Variants in DCUN1D3 observed in about 807,000 individuals in gnomAD.
The protein encoded by DCUN1D3 is defective in cullin neddylation 1 domain containing 3.
A neutral mutation model predicts 24.8 loss-of-function variants in DCUN1D3; 6 were observed. The ratio of observed to expected loss-of-function variants is 0.24; its 90% CI spans 0.13 to 0.48. The LOEUF (loss-of-function observed/expected upper bound fraction) is 0.48, where lower values mean the gene tolerates loss of function less well. Ranked by LOEUF, DCUN1D3 falls within the 20% of genes least tolerant of loss-of-function variation. The pLI is 0.99. For synonymous variants in DCUN1D3, 120 were observed against 144.9 expected (o/e 0.83, Z 1.24); for missense variants, 258 against 379.4 (o/e 0.68, Z 2.66).
chr16:20,871,472 T>TTAGC (rs2081787916), intron 1 of DCUN1D3, among the ~76,000 whole-genome samples: 3 of 152,208 alleles, frequency 2.0e-5, no homozygotes, highest in Admixed American at 2.0e-4. Flanking sequence ...ACCAGCCAGT[T>TTAGC]TAGCATAAAG....
intron 1 of DCUN1D3, among the ~76,000 whole-genome samples, chr16:20,891,027 T>C (rs920200645): frequency 1.3e-5 from 2 of 151,660 alleles, no homozygotes; most frequent in Admixed American, 6.6e-5. Context: ...GGAGTCTCAC[T>C]CTATCGCCCA....
At chr16:20,874,296 A>G (rs1448786113) in intron 1 of DCUN1D3, among the ~76,000 whole-genome samples, 2 of 152,230 alleles carry the variant, frequency 1.3e-5, no homozygotes, top group African/African-American at 4.8e-5. Context: ...GTCAAATTCC[A>G]TTATAACTAC....
At chr16:20,861,773 G>GA (rs1232583631) in intron 2 of DCUN1D3, among the ~76,000 whole-genome samples, 86 of 146,506 alleles carry the variant, frequency 5.9e-4, no homozygotes, top group Admixed American at 2.2e-3. Context: ...AAAAGAAAAA[G>GA]AAAAAAAAAA....
rs542778947 is a variant in DCUN1D3, at chr16:20,871,989, A to G, written c.-105-9346T>C. 1.9e-3 allele frequency among the ~76,000 whole-genome samples: 282 copies of G among 152,302 alleles called. 5 individuals are homozygous for G. The highest frequency in any genetic ancestry group is 3.2e-4 in the Non-Finnish European group (22 of 68,014). ...AAACGGCATGCCTGCTGCACTCTTCATCTCCGTTATAAGCTTGCAGCTTGT... is the reference window on the plus strand; with the variant it reads ...AAACGGCATGCCTGCTGCACTCTTCGTCTCCGTTATAAGCTTGCAGCTTGT... On this transcript the variant is annotated intron_variant, in intron 1 of 2. Coordinates refer to ENST00000324344, the MANE Select transcript of DCUN1D3 (RefSeq NM_173475.4).
chr16:20,895,023 C>T (rs1326289268), intron 1 of DCUN1D3, among the ~76,000 whole-genome samples: 2 of 152,068 alleles, frequency 1.3e-5, no homozygotes, highest in African/African-American at 2.4e-5. Context: ...AACCTAATAA[C>T]AATACAACAA....
intron 1 of DCUN1D3, among the ~76,000 whole-genome samples, chr16:20,888,863 G>A (rs896006236): frequency 6.6e-6 from 1 of 152,276 alleles, no homozygotes; most frequent in East Asian, 1.9e-4. Flanking sequence ...GAGGCAGGTG[G>A]ATCACTTGAG....
intron 1 of DCUN1D3, among the ~76,000 whole-genome samples, chr16:20,865,571 T>C (rs1359129056): frequency 1.3e-5 from 2 of 152,156 alleles, no homozygotes; most frequent in African/African-American, 2.4e-5. Flanking sequence ...GTTAATGAAG[T>C]GTGGACCAGG....
At chr16:20,874,615 A>G (rs1471077503) in intron 1 of DCUN1D3, among the ~76,000 whole-genome samples, 4 of 152,204 alleles carry the variant, frequency 2.6e-5, no homozygotes, top group Non-Finnish European at 5.9e-5. Flanking sequence ...CATGAAACTG[A>G]AAGCCCAAAT....
At chr16:20,873,120 CAA>C (rs557201637) in intron 1 of DCUN1D3, among the ~76,000 whole-genome samples, 7 of 63,674 alleles carry the variant, frequency 1.1e-4, no homozygotes, top group Admixed American at 1.6e-4. Context: ...GACTCTGTCT[CAA>C]AAAAAAAAAA....
intron 1 of DCUN1D3, among the ~76,000 whole-genome samples, chr16:20,879,723 A>G: frequency 6.6e-6 from 1 of 152,258 alleles, no homozygotes; most frequent in East Asian, 1.9e-4. Context: ...TGATAATAAG[A>G]TAATAAAGAC....
intron 1 of DCUN1D3, among the ~76,000 whole-genome samples, chr16:20,875,441 A>G (rs918717336): frequency 6.6e-6 from 1 of 152,208 alleles, no homozygotes; most frequent in Non-Finnish European, 1.5e-5. Context: ...AAGTACATGC[A>G]TTGGATGCAA....
intron 1 of DCUN1D3, among the ~76,000 whole-genome samples, chr16:20,894,033 G>A (rs555537681): frequency 1.6e-4 from 24 of 152,270 alleles, no homozygotes; most frequent in African/African-American, 3.4e-4. Context: ...TTGGGAGGCC[G>A]AGGCAGGCAG....
intron 1 of DCUN1D3, among the ~76,000 whole-genome samples, chr16:20,873,378 T>A (rs1040348766): frequency 2.0e-5 from 3 of 152,228 alleles, no homozygotes; most frequent in Non-Finnish European, 4.4e-5. Context: ...AGTCCCCTTA[T>A]CAAAGGTTTA....
At chr16:20,877,978 T>C (rs971567524) in intron 1 of DCUN1D3, among the ~76,000 whole-genome samples, 10 of 152,164 alleles carry the variant, frequency 6.6e-5, no homozygotes, top group African/African-American at 2.4e-4. Flanking sequence ...TTCATTTTTA[T>C]TTTTGTACAG....
intron 1 of DCUN1D3, among the ~76,000 whole-genome samples, chr16:20,866,578 T>G (rs1281807417): frequency 2.0e-5 from 3 of 152,192 alleles, no homozygotes; most frequent in Non-Finnish European, 2.9e-5. Flanking sequence ...CAGCCCTCCA[T>G]GTAAGAGTAT....
chr16:20,876,803 C>T (rs974813804), intron 1 of DCUN1D3, among the ~76,000 whole-genome samples: 7 of 152,154 alleles, frequency 4.6e-5, no homozygotes, highest in East Asian at 1.9e-4. Context: ...ATAGGCAACA[C>T]GGTTGGAACT....
chr16:20,860,315 G>C lies in DCUN1D3; in HGVS notation c.486C>G (p.Ile162Met). The change falls in exon 3 of 3, where the codon ATC becomes ATG. Residue 162 changes from isoleucine to methionine, a missense_variant. By Grantham distance (10) the Ile-to-Met change is conservative. Transcript: ENST00000324344. This position sits in a 1 kb window ranked among gnomAD's most constrained non-coding sequence, Gnocchi z 4.3. Reference sequence around the variant, plus strand: ...TTAAGAGGCTAGGGAACCGTGCACAGATTCCGTCAATGCTGTCTGCACTTA... The same window carrying C: ...TTAAGAGGCTAGGGAACCGTGCACACATTCCGTCAATGCTGTCTGCACTTA... ...KAISADSIDG[I>M]CARFPSLLTE... is the part of the protein sequence containing the mutation. 6.2e-7 allele frequency: 1 copy of C among 1,614,168 alleles called. No homozygotes were observed. Among genetic ancestry groups the C allele is most frequent in the East Asian group, 2.2e-5 (1 of 44,886 alleles).
intron 1 of DCUN1D3, among the ~76,000 whole-genome samples, chr16:20,867,227 C>T (rs1454388597): frequency 6.6e-6 from 1 of 152,146 alleles, no homozygotes. Flanking sequence ...TTGCTGAGCC[C>T]ACCCCCAGCA....
rs1347849441 is a variant in DCUN1D3 at position 20,857,974 on chromosome 16, C to T, written c.*1912G>A. 2 of 152,564 alleles carry T rather than the reference C, an allele frequency of 1.3e-5. No individual in the cohort carries two copies. Among genetic ancestry groups the T allele is most frequent in the East Asian group, 1.9e-4 (1 of 5,198 alleles). 9.5% of individuals were successfully genotyped at this position (152,564 alleles called of 1,614,324 possible). On this transcript the variant is annotated 3_prime_UTR_variant, in exon 3 of 3. Transcript: ENST00000324344. ...GGAACTCAAAACATGCAATTCCTGCCCAGGCTGAGAAACATACCTGGGACG... is the reference window on the plus strand; with the variant it reads ...GGAACTCAAAACATGCAATTCCTGCTCAGGCTGAGAAACATACCTGGGACG...
Sources: allele counts gnomAD v4.1 joint callset (sites outside exome capture counted in the v4.1 genomes callset), GRCh38; gene constraint gnomAD v4.1.1; non-coding constraint Gnocchi (gnomAD v3.1); transcripts MANE v1.5; gene names NCBI Gene and HGNC (gene_info 2026-07-23, HGNC 2026-07-21).